Variants in FARP2 observed in about 807,000 individuals in gnomAD.
FARP2 encodes the protein FERM, ARHGEF and pleckstrin domain-containing protein 2.
Under a neutral mutation model 130.5 loss-of-function variants are expected in FARP2, and 111 were observed. The ratio of observed to expected loss-of-function variants is 0.85; its 90% CI spans 0.73 to 1.00. FARP2 has a LOEUF of 1.00. Ranked by LOEUF, FARP2 falls within the 50% of genes least tolerant of loss-of-function variation. The probability of loss-of-function intolerance (pLI) is 0.00; values close to 1 mark genes in which losing one functional copy is unlikely to be tolerated. For synonymous variants in FARP2, 504 were observed against 516.9 expected, an observed-to-expected ratio of 0.98 and a Z score of 0.34; for missense variants, 1,385 against 1,346.3, an observed-to-expected ratio of 1.03 and a Z score of -0.45.
intron 11 of FARP2, among the ~76,000 whole-genome samples, chr2:241,435,270 G>GTT (rs774760964): frequency 1.1e-4 from 14 of 132,738 alleles, no homozygotes; most frequent in Non-Finnish European, 1.8e-4. Flanking sequence ...AGTTTTTTTT[G>GTT]TTTTTTTTTT....
chr2:241,456,795 C>T lies in FARP2; in HGVS notation c.1460C>T (p.Pro487Leu). The part of the protein sequence containing the change: ...PQPSPSSRKS[P>L]LSLSPAFQVP... Reference sequence around the variant, plus strand: ...CCTTCTCCCTCCAGCCGGAAGAGCCCCCTGAGTCTGAGCCCTGCATTTCAG... The same window carrying T: ...CCTTCTCCCTCCAGCCGGAAGAGCCTCCTGAGTCTGAGCCCTGCATTTCAG... Residue 487 changes from proline (P) to leucine (L), a missense_variant, in exon 14 of 27, where the codon CCC becomes CTC. Physicochemically the swap from Pro to Leu is moderately conservative, Grantham distance 98. Coordinates refer to ENST00000264042, the MANE Select transcript of FARP2 (RefSeq NM_014808.4). 2 of 1,614,136 alleles carry T rather than the reference C, an allele frequency of 1.2e-6. No homozygotes were observed. The highest frequency in any genetic ancestry group is 8.5e-7 in the Non-Finnish European group (1 of 1,180,008).
At chr2:241,489,720 CTGG>C in intron 21 of FARP2, 1 of 403,106 alleles carries the variant, frequency 2.5e-6, no homozygotes, top group Non-Finnish European at 4.5e-6. Context: ...GCTAATAGTG[CTGG>C]ACCCCCCGGT....
chr2:241,404,622 G>A (rs561698923), intron 3 of FARP2, among the ~76,000 whole-genome samples, 177 bp from the exon 4 acceptor site: 1 of 152,310 alleles, frequency 6.6e-6, no homozygotes, highest in Admixed American at 6.5e-5. Context: ...AGCAGGCATT[G>A]CTGTCCTTCT....
chr2:241,363,015 G>A (rs1291021350), intron 1 of FARP2, among the ~76,000 whole-genome samples: 1 of 152,210 alleles, frequency 6.6e-6, no homozygotes, highest in Non-Finnish European at 1.5e-5. Flanking sequence ...CATGTGCATG[G>A]AGCAGCTGTT....
rs766731722 is a variant in FARP2, at chr2:241,403,899, C to T, written c.255C>T (p.Phe85=). The change falls in exon 3 of 27, where the codon TTC becomes TTT. Residue 85 remains phenylalanine, a synonymous_variant. Transcript: ENST00000264042. ...KRLNLVECDY[F]GMEFQNTQSY... is the part of the protein sequence containing the mutation. ...TAAACCTGGTAGAATGTGACTACTT[C>T]GGGATGGAGTTTCAAAATACTCAGT... The T allele has an allele frequency of 1.5e-5, 24 of 1,613,070 alleles. No homozygotes were observed. Among genetic ancestry groups the T allele is most frequent in the South Asian group, 4.4e-5 (4 of 91,058 alleles).
intron 13 of FARP2, among the ~76,000 whole-genome samples, chr2:241,451,468 A>G (rs2063655460): frequency 6.6e-6 from 1 of 152,140 alleles, no homozygotes; most frequent in Admixed American, 6.5e-5. Flanking sequence ...AGTCTTGTCT[A>G]TGGGTAAAGA....
At chr2:241,406,897 T>C (rs1559739916) in intron 4 of FARP2, among the ~76,000 whole-genome samples, 1 of 152,168 alleles carries the variant, frequency 6.6e-6, no homozygotes, top group Non-Finnish European at 1.5e-5. Context: ...AATCCCCGCC[T>C]CCCGGGTTCA....
chr2:241,434,085 T>C, intron 9 of FARP2, 73 bp from the exon 10 acceptor site: 1 of 1,171,902 alleles, frequency 8.5e-7, no homozygotes, highest in Non-Finnish European at 1.2e-6. Flanking sequence ...TCGTGTGATC[T>C]GCTTCCTAAA....
intron 6 of FARP2, 76 bp downstream of exon 6, chr2:241,411,206 T>C (rs2062509622): frequency 2.0e-6 from 2 of 1,002,598 alleles, no homozygotes; most frequent in South Asian, 2.7e-5. Flanking sequence ...CTACAATTAG[T>C]TGCTGATGTA....
At chr2:241,465,514 T>G in intron 17 of FARP2, 1 of 1,550,532 alleles carries the variant, frequency 6.4e-7, no homozygotes, top group Non-Finnish European at 8.7e-7. Context: ...GGAGTAGACT[T>G]TTGGATAGGC....
In FARP2 at chr2:241,462,523, C is replaced by A. The variant is rs752426987; in HGVS notation, c.1588C>A (p.Arg530Ser). The stretch of plus-strand genomic sequence containing the variant: ...ACTTACAGCTCTCTGCTTCTTTCAG[C>A]GCGTGCCTGCAGACGAGGCCTACTT... The part of the protein sequence containing the change: ...GMDCEEPRHK[R>S]VPADEAYFIV... The change falls in exon 15 of 27, where the codon CGC becomes AGC. Residue 530 changes from arginine (R) to serine (S), a missense_variant and splice_region_variant. Arg to Ser is a moderately radical substitution (Grantham distance 110). Transcript: ENST00000264042. The A allele has an allele frequency of 6.2e-7, 1 of 1,611,286 alleles. No individual in the cohort carries two copies. The highest frequency in any genetic ancestry group is 8.5e-7 in the Non-Finnish European group (1 of 1,177,386).
intron 1 of FARP2, among the ~76,000 whole-genome samples, chr2:241,366,108 T>TATATATAC (rs2061302973): frequency 2.9e-5 from 1 of 34,256 alleles, no homozygotes; most frequent in African/African-American, 8.8e-5. Context: ...AAAAAAAATA[T>TATATATAC]ATATATATAT....
At chr2:241,448,551 A>G (rs1041622939) in intron 13 of FARP2, among the ~76,000 whole-genome samples, 6 of 152,236 alleles carry the variant, frequency 3.9e-5, no homozygotes, top group Non-Finnish European at 5.9e-5. Context: ...TTTGGACACA[A>G]TGTATTAGAA....
chr2:241,439,659 C>T (rs1161812450), intron 12 of FARP2, among the ~76,000 whole-genome samples: 1 of 152,114 alleles, frequency 6.6e-6, no homozygotes, highest in Non-Finnish European at 1.5e-5. Flanking sequence ...AAATAAGAAT[C>T]ATCTAAAAGT....
Position 241,441,441 on chromosome 2 carries a change from C to G in FARP2, c.1296C>G (p.Pro432=). ...FKDSSSSLTD[P]QVSYVKSPAA... is the part of the protein sequence containing the mutation. Reference sequence around the variant, plus strand: ...ACAGCAGCAGCTCCCTCACAGATCCCCAGGTTTCCTACGTCAAGAGTCCAG... The same window carrying G: ...ACAGCAGCAGCTCCCTCACAGATCCGCAGGTTTCCTACGTCAAGAGTCCAG... The change falls in exon 13 of 27, where the codon CCC becomes CCG. Residue 432 remains proline (P), a synonymous_variant. Transcript: ENST00000264042. 6.2e-7 allele frequency: 1 copy of G among 1,614,218 alleles called. No homozygotes were observed. Among genetic ancestry groups the G allele is most frequent in the Non-Finnish European group, 8.5e-7 (1 of 1,180,040 alleles).
intron 2 of FARP2, among the ~76,000 whole-genome samples, chr2:241,399,532 A>C (rs1353549783): frequency 6.6e-6 from 1 of 151,774 alleles, no homozygotes; most frequent in Non-Finnish European, 1.5e-5. Flanking sequence ...CTGATCTCAA[A>C]CTCCTGACCT....
intron 8 of FARP2, among the ~76,000 whole-genome samples, chr2:241,422,481 GATCAAAGTTT>G (rs2062836487): frequency 6.6e-6 from 1 of 151,400 alleles, no homozygotes; most frequent in African/African-American, 2.4e-5. Context: ...CAACCTCAAA[GATCAAAGTTT>G]GATAAACCCA....
intron 8 of FARP2, among the ~76,000 whole-genome samples, chr2:241,420,407 A>C (rs1432767262): frequency 2.0e-5 from 3 of 152,146 alleles, no homozygotes; most frequent in Non-Finnish European, 4.4e-5. Flanking sequence ...GGCCCCAGGG[A>C]AGAGTGGCCA....
chr2:241,381,576 G>T (rs1035900407), intron 2 of FARP2, among the ~76,000 whole-genome samples: 1 of 152,096 alleles, frequency 6.6e-6, no homozygotes, highest in African/African-American at 2.4e-5. Context: ...GGTTCTGCTG[G>T]CACTTCACTT....
Sources: allele counts gnomAD v4.1 joint callset (sites outside exome capture counted in the v4.1 genomes callset), GRCh38; gene constraint gnomAD v4.1.1; transcripts MANE v1.5; gene names NCBI Gene and HGNC (gene_info 2026-07-23, HGNC 2026-07-21).